Variants in NBEA observed in about 807,000 individuals in gnomAD.
The protein encoded by NBEA is lysosomal-trafficking regulator 2.
Under a neutral mutation model 343.4 loss-of-function variants are expected in NBEA, and 44 were observed. That is an observed-to-expected ratio of 0.13 (90% CI 0.10 to 0.16). The LOEUF (loss-of-function observed/expected upper bound fraction) is 0.16. NBEA is among the 10% of genes least tolerant of loss of function. NBEA has a pLI of 1.00. For missense variants in NBEA, 2,555 were observed against 3,631.3 expected (o/e 0.70, Z 7.62); for synonymous variants, 1,175 against 1,238.7 (o/e 0.95, Z 1.08).
At chr13:35,198,719 C>A (rs981132419) in intron 31 of NBEA, among the ~76,000 whole-genome samples, 1 of 150,510 alleles carries the variant, frequency 6.6e-6, no homozygotes, top group Non-Finnish European at 1.5e-5. Flanking sequence ...TGCAATAGCT[C>A]AAGTACTATC....
At chr13:35,165,508 C>G (rs868346909) in intron 24 of NBEA, among the ~76,000 whole-genome samples, 1 of 152,196 alleles carries the variant, frequency 6.6e-6, no homozygotes, top group Non-Finnish European at 1.5e-5. Context: ...CTAAGAAGAA[C>G]AGTATAAATT....
At chr13:35,047,568 T>C (rs2062907320) in intron 4 of NBEA, among the ~76,000 whole-genome samples, 2 of 151,810 alleles carry the variant, frequency 1.3e-5, no homozygotes, top group Admixed American at 1.3e-4. Flanking sequence ...AGCAACATGA[T>C]GTATAGGAAG....
At chr13:35,495,438 C>T (rs1279208898) in intron 41 of NBEA, among the ~76,000 whole-genome samples, 1 of 151,844 alleles carries the variant, frequency 6.6e-6, no homozygotes, top group Non-Finnish European at 1.5e-5. Context: ...AACTTCAATA[C>T]CCCGCTTTCA....
chr13:35,469,537 A>G (rs957013490), intron 40 of NBEA, among the ~76,000 whole-genome samples: 11 of 152,198 alleles, frequency 7.2e-5, no homozygotes, highest in African/African-American at 1.2e-4. Context: ...ACCACTTTAG[A>G]TGGTGGAATT....
chr13:35,562,411 AT>A (rs1278816670), intron 44 of NBEA, among the ~76,000 whole-genome samples: 3 of 152,106 alleles, frequency 2.0e-5, no homozygotes, highest in African/African-American at 7.2e-5. Flanking sequence ...TAATTCTTGC[AT>A]TTTAAAAAAT....
intron 28 of NBEA, among the ~76,000 whole-genome samples, chr13:35,178,788 T>C (rs17068341): frequency 0.1 from 15,553 of 151,484 alleles, 890 homozygotes; most frequent in South Asian, 0.16. Context: ...AAGAACTCAC[T>C]GTAATCTAAA....
At position 35,567,141 on chromosome 13, in the gene NBEA, T is replaced by C. The variant is rs55904066; in HGVS notation, c.7035+124T>C. The C allele has an allele frequency of 1.1e-3, 585 of 516,512 alleles. 6 individuals carry two copies. The highest frequency in any genetic ancestry group is 0.011 in the African/African-American group (547 of 51,860). 32.0% of individuals were successfully genotyped at this position (516,512 alleles called of 1,614,324 possible). On this transcript the variant is annotated intron_variant, in intron 45 of 58. Transcript: ENST00000379939. ...GTGAAACTGATTATCTTGACTTACA[T>C]AGTCAGTTTCTAAATCTTACCAATT... is the stretch of plus-strand genomic sequence containing the variant.
At chr13:35,527,131 T>A (rs958471181) in intron 41 of NBEA, among the ~76,000 whole-genome samples, 2 of 152,138 alleles carry the variant, frequency 1.3e-5, no homozygotes, top group Non-Finnish European at 2.9e-5. Flanking sequence ...TCCAGACTAA[T>A]GTCCAGCCCT....
chr13:35,460,334 A>C (rs1352801663), intron 40 of NBEA, among the ~76,000 whole-genome samples: 1 of 152,184 alleles, frequency 6.6e-6, no homozygotes, highest in Non-Finnish European at 1.5e-5. Context: ...TCTTTGAATG[A>C]GGAAGTTGCT....
chr13:35,339,863 A>G (rs538973430), intron 36 of NBEA, among the ~76,000 whole-genome samples: 34 of 152,220 alleles, frequency 2.2e-4, no homozygotes, highest in African/African-American at 7.9e-4. Context: ...ACCATGATCC[A>G]GTCACTTCCC....
At chr13:35,272,235 A>T (rs2034220153) in intron 34 of NBEA, among the ~76,000 whole-genome samples, 1 of 152,210 alleles carries the variant, frequency 6.6e-6, no homozygotes, top group South Asian at 2.1e-4. Context: ...TCAACCCAGA[A>T]TCCCATATCC....
intron 13 of NBEA, among the ~76,000 whole-genome samples, chr13:35,116,739 G>C (rs1016759278): frequency 4.0e-5 from 6 of 151,752 alleles, no homozygotes; most frequent in Non-Finnish European, 8.8e-5. Context: ...TTTTTTAAAA[G>C]TATTCTGTAT....
intron 17 of NBEA, among the ~76,000 whole-genome samples, chr13:35,130,158 T>C (rs1263522454): frequency 6.6e-6 from 1 of 152,128 alleles, no homozygotes; most frequent in Non-Finnish European, 1.5e-5. Flanking sequence ...TGTGTATATG[T>C]AGGGGTAGGG....
Position 35,488,952 on chromosome 13 carries a change from TATTA to T in NBEA, c.6585+16422_6585+16425del, listed in dbSNP as rs1443077800. 6.6e-5 allele frequency among the ~76,000 whole-genome samples: 10 copies of T among 152,044 alleles called. No homozygotes were observed. In the East Asian group the frequency reaches 9.7e-4, roughly 15 times the overall value. ...AAAATACAAAATGCATTTTAATATATATTAATTAAGTAATTTGTAAAATACAAAA... is the reference window on the plus strand; with the variant it reads ...AAAATACAAAATGCATTTTAATATATATTAAGTAATTTGTAAAATACAAAA... On this transcript the variant is annotated intron_variant, in intron 41 of 58. Transcript: ENST00000379939.
At chr13:35,308,033 T>C (rs1487171928) in intron 35 of NBEA, among the ~76,000 whole-genome samples, 1 of 152,010 alleles carries the variant, frequency 6.6e-6, no homozygotes, top group East Asian at 1.9e-4. Context: ...TCACTAGTTG[T>C]TGATTTTCTC....
At chr13:35,425,746 G>A (rs927923116) in intron 38 of NBEA, among the ~76,000 whole-genome samples, 2 of 152,166 alleles carry the variant, frequency 1.3e-5, no homozygotes, top group African/African-American at 4.8e-5. Context: ...TGACAGTGGG[G>A]TGTGAAAGTC....
Position 35,070,753 on chromosome 13 carries a change from G to A in NBEA, c.1472G>A (p.Ser491Asn). 6.2e-7 allele frequency: 1 copy of A among 1,607,436 alleles called. No individual in the cohort carries two copies. The highest frequency in any genetic ancestry group is 8.5e-7 in the Non-Finnish European group (1 of 1,176,848). Residue 491 changes from serine (S) to asparagine (N), a missense_variant, in exon 10 of 59, where the codon AGT becomes AAT. Transcript: ENST00000379939. The part of the protein sequence containing the change: ...VKAIVTHSIH[S>N]AIHSIGGIQV... ...GCGATAGTAACACATTCAATTCATA[G>A]TGCAATTCATTCAATTGGAGGGATT...
At chr13:35,400,413 A>T (rs1299325656) in intron 38 of NBEA, among the ~76,000 whole-genome samples, 2 of 152,000 alleles carry the variant, frequency 1.3e-5, no homozygotes, top group Non-Finnish European at 2.9e-5. Context: ...TGCCTGGCTC[A>T]CATTTGTTAC....
intron 35 of NBEA, among the ~76,000 whole-genome samples, chr13:35,296,081 G>A (rs117930516): frequency 0.031 from 4,736 of 152,156 alleles, 101 homozygotes; most frequent in Non-Finnish European, 0.045. Flanking sequence ...AAAAAGTTCT[G>A]ACCTCATCTG....
Sources: allele counts gnomAD v4.1 joint callset (sites outside exome capture counted in the v4.1 genomes callset), GRCh38; gene constraint gnomAD v4.1.1; transcripts MANE v1.5; gene names NCBI Gene and HGNC (gene_info 2026-07-23, HGNC 2026-07-21).